The following CDK14 variants were observed in gnomAD, a reference collection of about 807,000 sequenced individuals.
The protein encoded by CDK14 is cyclin dependent kinase 14, also known as cyclin-dependent kinase 14.
CDK14 carries 34 observed loss-of-function variants against 60.7 expected under a neutral mutation model. The ratio of observed to expected loss-of-function variants is 0.56; its 90% CI spans 0.43 to 0.75. The LOEUF (loss-of-function observed/expected upper bound fraction) is 0.75. CDK14 is among the 30% of genes least tolerant of loss of function. The pLI is 0.00. For synonymous variants in CDK14, 197 were observed against 203.7 expected (o/e 0.97, Z 0.28); for missense variants, 482 against 564.1 (o/e 0.85, Z 1.47).
chr7:90,812,406 T>G (rs6961217), intron 5 of CDK14, among the ~76,000 whole-genome samples: 122,424 of 151,938 alleles, frequency 0.81, 49,479 homozygotes, highest in East Asian at 0.97. Flanking sequence ...TCATAGGTGG[T>G]AATTGAACAA....
At chr7:90,679,210 T>A (rs1801265013) in intron 2 of CDK14, among the ~76,000 whole-genome samples, 1 of 152,168 alleles carries the variant, frequency 6.6e-6, no homozygotes, top group Non-Finnish European at 1.5e-5. Flanking sequence ...CATCTGCCTC[T>A]CAAATGCTAG....
intron 14 of CDK14, among the ~76,000 whole-genome samples, chr7:91,201,457 T>C (rs1562992670): frequency 2.0e-5 from 3 of 151,834 alleles, no homozygotes; most frequent in African/African-American, 7.3e-5. Context: ...CCAGTGAGGC[T>C]TAGAGGGGGA....
chr7:90,831,690 GTT>G (rs34325666), intron 5 of CDK14, among the ~76,000 whole-genome samples: 18 of 150,112 alleles, frequency 1.2e-4, no homozygotes, highest in African/African-American at 2.5e-4. Flanking sequence ...ACACTTGACT[GTT>G]TTTTTTTTCC....
chr7:91,071,620 T>C (rs572216940), intron 11 of CDK14, among the ~76,000 whole-genome samples: 2 of 152,322 alleles, frequency 1.3e-5, no homozygotes, highest in Admixed American at 6.5e-5. Context: ...GCCACTAAGC[T>C]AGAATCTGCT....
intron 5 of CDK14, among the ~76,000 whole-genome samples, chr7:90,817,960 G>A (rs1220807006): frequency 6.6e-6 from 1 of 152,130 alleles, no homozygotes; most frequent in Non-Finnish European, 1.5e-5. Flanking sequence ...TAAGCCCACA[G>A]AATTGATTAC....
intron 2 of CDK14, among the ~76,000 whole-genome samples, chr7:90,640,746 A>C (rs1169098332): frequency 6.6e-6 from 1 of 151,298 alleles, no homozygotes; most frequent in Non-Finnish European, 1.5e-5. Context: ...GTTTGGCACA[A>C]CTCTAAAAAA....
chr7:91,025,767 A>C (rs1372251030), intron 10 of CDK14, among the ~76,000 whole-genome samples: 1 of 152,166 alleles, frequency 6.6e-6, no homozygotes. Context: ...GCAGTATGGG[A>C]AAAAAAGAGT....
intron 14 of CDK14, among the ~76,000 whole-genome samples, chr7:91,205,935 A>ACAGG (rs2116023448): frequency 6.6e-6 from 1 of 152,128 alleles, no homozygotes. Context: ...AGCTGGGACT[A>ACAGG]CAGGCACACA....
chr7:90,910,271 A>G (rs948324900), intron 7 of CDK14, among the ~76,000 whole-genome samples: 2 of 152,230 alleles, frequency 1.3e-5, no homozygotes, highest in African/African-American at 4.8e-5. Flanking sequence ...ATTGCATTAA[A>G]AATTAAGATT....
At chr7:91,115,779 G>A (rs1041928385) in intron 13 of CDK14, among the ~76,000 whole-genome samples, 5 of 152,086 alleles carry the variant, frequency 3.3e-5, no homozygotes, top group Admixed American at 2.0e-4. Flanking sequence ...TCATAGATTC[G>A]TACAAAAGTG....
intron 2 of CDK14, among the ~76,000 whole-genome samples, chr7:90,665,832 G>A (rs746311963): frequency 5.3e-5 from 4 of 75,330 alleles, no homozygotes; most frequent in Non-Finnish European, 7.4e-5. Flanking sequence ...TACAAATGTA[G>A]ACTGGGAAGT....
intron 2 of CDK14, among the ~76,000 whole-genome samples, chr7:90,648,094 AC>A (rs998818861): frequency 6.6e-6 from 1 of 152,098 alleles, no homozygotes; most frequent in African/African-American, 2.4e-5. Flanking sequence ...CTGTTCTCTC[AC>A]AGAGTTTCTG....
chr7:90,996,338 T>C (rs1319830730), intron 10 of CDK14, among the ~76,000 whole-genome samples: 1 of 152,178 alleles, frequency 6.6e-6, no homozygotes, highest in Non-Finnish European at 1.5e-5. Flanking sequence ...ATGTTAATCT[T>C]TTAGTGAGGC....
chr7:90,765,281 A>G (rs185044095), intron 4 of CDK14, among the ~76,000 whole-genome samples: 1 of 152,308 alleles, frequency 6.6e-6, no homozygotes, highest in African/African-American at 2.4e-5. Context: ...TGTTCTTGAG[A>G]AAGTTTCATG....
intron 5 of CDK14, among the ~76,000 whole-genome samples, chr7:90,813,542 GT>G (rs1789224632): frequency 6.6e-6 from 1 of 152,132 alleles, no homozygotes; most frequent in Admixed American, 6.5e-5. Flanking sequence ...GAGGTCAGAC[GT>G]TTGAGACCAG....
intron 6 of CDK14, among the ~76,000 whole-genome samples, chr7:90,882,196 CAT>C (rs1791779698): frequency 7.0e-6 from 1 of 142,662 alleles, no homozygotes; most frequent in Non-Finnish European, 1.5e-5. Flanking sequence ...AGACCCATCT[CAT>C]GTGCAAAGAC....
intron 5 of CDK14, among the ~76,000 whole-genome samples, chr7:90,831,450 C>T (rs946725693): frequency 6.6e-6 from 1 of 152,170 alleles, no homozygotes; most frequent in Non-Finnish European, 1.5e-5. Flanking sequence ...CTCCCCTTGA[C>T]ACATGGAGAT....
At chr7:90,722,799 C>T (rs970349760) in intron 2 of CDK14, among the ~76,000 whole-genome samples, 1 of 152,076 alleles carries the variant, frequency 6.6e-6, no homozygotes, top group Non-Finnish European at 1.5e-5. Flanking sequence ...ATTGTAAGGC[C>T]GTTAAGGCAT....
At chr7:91,196,211 G>A (rs547668839) in intron 14 of CDK14, among the ~76,000 whole-genome samples, 2 of 152,196 alleles carry the variant, frequency 1.3e-5, no homozygotes, top group Non-Finnish European at 2.9e-5. Flanking sequence ...AAAGAGAGTA[G>A]AATAGTCCTG....
Sources: gnomAD v4.1 joint callset for allele counts (sites outside exome capture counted in the v4.1 genomes callset) on GRCh38, gnomAD v4.1.1 for gene constraint, MANE v1.5 for transcripts, NCBI Gene and HGNC (gene_info 2026-07-23, HGNC 2026-07-21) for gene names.